The following CNTLN variants were observed in gnomAD, a reference collection of about 807,000 sequenced individuals.
CNTLN encodes centlein, also known as centlein, centrosomal protein.
A neutral mutation model predicts 180.0 loss-of-function variants in CNTLN; 212 were observed. That is an observed-to-expected ratio of 1.18 (90% CI 1.05 to 1.32). CNTLN has a LOEUF of 1.32. Among genes scored for constraint, CNTLN ranks in the 40% most tolerant of loss-of-function variants. The pLI is 0.00. For synonymous variants in CNTLN, 722 were observed against 563.1 expected (o/e 1.28, Z -3.99); for missense variants, 2,095 against 1,610.9 (o/e 1.30, Z -5.14).
rs146435882 is a variant in CNTLN at position 17,370,876 on chromosome 9, G to A, written c.1987+4159G>A. On this transcript the variant is annotated intron_variant, in intron 13 of 25. Coordinates refer to ENST00000380647, the MANE Select transcript of CNTLN (RefSeq NM_017738.4). ...TGTTGTTAATCCAGTTAAAATAATG[G>A]GTTATAAGATAGTTATATCCCATAT... 8.0e-4 allele frequency among the ~76,000 whole-genome samples: 121 copies of A among 151,872 alleles called. No individual in the cohort carries two copies. In the Middle Eastern group the frequency reaches 0.01, roughly 13 times the overall value.
chr9:17,488,625 G>A (rs1292796495), intron 25 of CNTLN, among the ~76,000 whole-genome samples: 1 of 151,990 alleles, frequency 6.6e-6, no homozygotes, highest in South Asian at 2.1e-4. Flanking sequence ...TGGTTAACAC[G>A]TGGAGAGGTA....
rs1390495678 is a variant in CNTLN at position 17,416,569 on chromosome 9, G to T, written c.3114+380G>T. On this transcript the variant is annotated intron_variant, in intron 18 of 25. Coordinates refer to ENST00000380647, the MANE Select transcript of CNTLN (RefSeq NM_017738.4). ...GTTTGAAACTTTGTGTTTATGATAA[G>T]TTACATTATTAAACTAATATATTCA... 2.6e-5 allele frequency among the ~76,000 whole-genome samples: 4 copies of T among 152,120 alleles called. No homozygotes were observed. The East Asian group carries it at 5.8e-4, about 22-fold the overall frequency.
chr9:17,381,952 A>G (rs1020834306), intron 13 of CNTLN, among the ~76,000 whole-genome samples: 1 of 152,156 alleles, frequency 6.6e-6, no homozygotes, highest in Non-Finnish European at 1.5e-5. Context: ...ATTTATACCC[A>G]TGTTTCCCTA....
At chr9:17,337,943 T>C (rs1821163071) in intron 10 of CNTLN, among the ~76,000 whole-genome samples, 1 of 152,138 alleles carries the variant, frequency 6.6e-6, no homozygotes, top group Non-Finnish European at 1.5e-5. Flanking sequence ...ATAATAATTT[T>C]TAAGAAAGTC....
At chr9:17,514,707 C>T in the CNTLN span, among the ~76,000 whole-genome samples, 8 of 152,298 alleles carry the variant, frequency 5.3e-5, no homozygotes, top group African/African-American at 1.7e-4. Flanking sequence ...CGGCCTAGAT[C>T]AGCTGACTGT....
chr9:17,188,026 A>G (rs1821542615), intron 2 of CNTLN, among the ~76,000 whole-genome samples: 1 of 149,628 alleles, frequency 6.7e-6, no homozygotes, highest in African/African-American at 2.4e-5. Flanking sequence ...ATATATATAT[A>G]TATATACACA....
chr9:17,262,086 C>T (rs1481260087), intron 5 of CNTLN, among the ~76,000 whole-genome samples: 1 of 151,406 alleles, frequency 6.6e-6, no homozygotes, highest in Non-Finnish European at 1.5e-5. Context: ...CAGATGCTGG[C>T]AGTGCTATGG....
chr9:17,143,227 A>T (rs1179190669), intron 1 of CNTLN, 61 bp from the exon 2 acceptor site: 1 of 1,123,544 alleles, frequency 8.9e-7, no homozygotes, highest in Non-Finnish European at 1.3e-6. Flanking sequence ...AATTTAATGT[A>T]GTATCTTATT....
Position 17,173,869 on chromosome 9 carries a change from T to A in CNTLN, c.449+30493T>A, listed in dbSNP as rs374295293. ...TGCTTGAACCATTTCTTTCCAATAATAACATCTTGCAAAACTATAGTACAG... is the reference window on the plus strand; with the variant it reads ...TGCTTGAACCATTTCTTTCCAATAAAAACATCTTGCAAAACTATAGTACAG... On this transcript the variant is annotated intron_variant, in intron 2 of 25. Coordinates refer to ENST00000380647, the MANE Select transcript of CNTLN (RefSeq NM_017738.4). Among the ~76,000 whole-genome samples, 323 of 152,276 alleles carry A rather than the reference T, an allele frequency of 2.1e-3. 4 individuals are homozygous for A. In the South Asian group the frequency reaches 0.034, roughly 16 times the overall value.
chr9:17,487,485 C>T (rs1002997437), intron 25 of CNTLN, among the ~76,000 whole-genome samples: 2 of 152,164 alleles, frequency 1.3e-5, no homozygotes, highest in Admixed American at 6.5e-5. Context: ...ATGTTTTCCT[C>T]ACAGCCAGAC....
At chr9:17,407,859 C>T (rs1280365228) in intron 15 of CNTLN, among the ~76,000 whole-genome samples, 1 of 152,002 alleles carries the variant, frequency 6.6e-6, no homozygotes, top group Admixed American at 6.6e-5. Context: ...GGCGTGGTGG[C>T]TCACGCCTGT....
intron 2 of CNTLN, among the ~76,000 whole-genome samples, chr9:17,192,404 A>G (rs893216928): frequency 2.6e-4 from 39 of 151,734 alleles, no homozygotes; most frequent in African/African-American, 9.2e-4. Flanking sequence ...GTGCCCGGCT[A>G]ATTTTTGTAT....
At chr9:17,360,709 A>C (rs976084681) in intron 12 of CNTLN, among the ~76,000 whole-genome samples, 2 of 152,150 alleles carry the variant, frequency 1.3e-5, no homozygotes, top group African/African-American at 4.8e-5. Context: ...AGTTTCAACT[A>C]TTTTGGGATT....
chr9:17,282,000 G>C (rs1315439321), intron 6 of CNTLN, among the ~76,000 whole-genome samples: 3 of 152,028 alleles, frequency 2.0e-5, no homozygotes, highest in Non-Finnish European at 4.4e-5. Flanking sequence ...GTCTCGCTCT[G>C]TTGCCAGGCT....
intron 25 of CNTLN, among the ~76,000 whole-genome samples, chr9:17,492,788 A>G (rs909151527): frequency 2.0e-5 from 3 of 152,170 alleles, no homozygotes; most frequent in Non-Finnish European, 2.9e-5. Context: ...TTGTACACCA[A>G]TGCTCACAAC....
chr9:17,220,357 G>A (rs886080069), intron 2 of CNTLN, among the ~76,000 whole-genome samples: 1 of 151,974 alleles, frequency 6.6e-6, no homozygotes, highest in African/African-American at 2.4e-5. Context: ...CATTAGTGGG[G>A]ATCTTAAGTT....
chr9:17,327,880 G>C (rs1380494354), intron 8 of CNTLN, among the ~76,000 whole-genome samples: 2 of 151,958 alleles, frequency 1.3e-5, no homozygotes, highest in African/African-American at 4.8e-5. Flanking sequence ...TTGAATTCAG[G>C]AGGCAGAGGT....
chr9:17,318,067 G>A lies in CNTLN; in HGVS notation c.1341+8815G>A, dbSNP rs575039451. Reference sequence around the variant, plus strand: ...TTTTGAGAAGGAGTCTCACTCTGTCGCCCAGGCTGGAGTCCAGTGGCATAA... The same window carrying A: ...TTTTGAGAAGGAGTCTCACTCTGTCACCCAGGCTGGAGTCCAGTGGCATAA... On this transcript the variant is annotated intron_variant, in intron 8 of 25. Transcript: ENST00000380647. Among the ~76,000 whole-genome samples, 8 of 145,466 alleles carry A rather than the reference G, an allele frequency of 5.5e-5. 1 individual carries two copies. Among genetic ancestry groups the A allele is most frequent in the African/African-American group, 2.1e-4 (8 of 39,008 alleles).
chr9:17,368,160 C>G (rs1400724751), intron 13 of CNTLN, among the ~76,000 whole-genome samples: 3 of 152,002 alleles, frequency 2.0e-5, no homozygotes, highest in Non-Finnish European at 1.5e-5. Flanking sequence ...TTGTGGCAAG[C>G]TGACTGAAGA....
Sources: gnomAD v4.1 joint callset for allele counts (sites outside exome capture counted in the v4.1 genomes callset) on GRCh38, gnomAD v4.1.1 for gene constraint, MANE v1.5 for transcripts, NCBI Gene and HGNC (gene_info 2026-07-23, HGNC 2026-07-21) for gene names.